IL22RA1: variants seen among roughly 807,000 people sequenced by gnomAD.
The protein encoded by IL22RA1 is interleukin 22 receptor subunit alpha 1.
Under a neutral mutation model 32.8 loss-of-function variants are expected in IL22RA1, and 25 were observed. The observed-to-expected ratio is 0.76, with a 90% CI of 0.55 to 1.06. The LOEUF is 1.06. Among genes scored for constraint, IL22RA1 ranks in the 50% least tolerant of loss-of-function variants. IL22RA1 has a pLI of 0.00. For synonymous variants in IL22RA1, 305 were observed against 305.0 expected (o/e 1.00, Z 0.00); for missense variants, 709 against 727.4 (o/e 0.97, Z 0.29).
At position 24,138,572 on chromosome 1, in the gene IL22RA1, A is replaced by T. The variant is rs767526903; in HGVS notation, c.176+10T>A. On this transcript the variant is annotated intron_variant, in intron 2 of 6. Coordinates refer to ENST00000270800, the MANE Select transcript of IL22RA1 (RefSeq NM_021258.4). ...CAGTCAAAGGAGGTGGGGTCAAGAG[A>T]GAAGCCTACGTCTTATACTCGATGC... The T allele has an allele frequency of 6.2e-7, 1 of 1,614,000 alleles. No homozygotes were observed. Among genetic ancestry groups the T allele is most frequent in the African/African-American group, 1.3e-5 (1 of 74,912 alleles).
intron 3 of IL22RA1, among the ~76,000 whole-genome samples, chr1:24,135,631 C>A (rs1644236411): frequency 6.6e-6 from 1 of 152,166 alleles, no homozygotes; most frequent in East Asian, 1.9e-4. Context: ...CACAGTTCCA[C>A]ATGGCTGGGG....
At chr1:24,142,087 G>T (rs1039105242) in intron 1 of IL22RA1, among the ~76,000 whole-genome samples, 2 of 152,166 alleles carry the variant, frequency 1.3e-5, no homozygotes, top group African/African-American at 4.8e-5. Flanking sequence ...GACGTGTCTT[G>T]GTGCCTCAAG....
Position 24,121,743 on chromosome 1 carries a change from C to A in IL22RA1, c.793-6G>T. 1 of 1,494,430 alleles carries A rather than the reference C, an allele frequency of 6.7e-7. No individual in the cohort carries two copies. The highest frequency in any genetic ancestry group is 1.4e-5 in the South Asian group (1 of 71,694). 92.6% of individuals were successfully genotyped at this position (1,494,430 alleles called of 1,614,324 possible). ...GTCAGGACTCGCTGGACGTTCTGTG[C>A]AGGGACGACAACAGTCACCCCCCTG... On this transcript the variant is annotated splice_polypyrimidine_tract_variant and splice_region_variant and intron_variant, in intron 6 of 6. Coordinates refer to ENST00000270800, the MANE Select transcript of IL22RA1 (RefSeq NM_021258.4).
At chr1:24,135,856 G>C (rs952289586) in intron 3 of IL22RA1, among the ~76,000 whole-genome samples, 3 of 152,224 alleles carry the variant, frequency 2.0e-5, no homozygotes, top group Non-Finnish European at 4.4e-5. Context: ...CTTCCCACAA[G>C]ACAGGATTAT....
intron 5 of IL22RA1, among the ~76,000 whole-genome samples, chr1:24,123,870 G>A (rs190012215): frequency 2.0e-4 from 31 of 152,230 alleles, no homozygotes; most frequent in African/African-American, 6.7e-4. Context: ...CCTCATGGTC[G>A]AGCTCATCCA....
At chr1:24,142,985 G>A (rs1458430903) in intron 1 of IL22RA1, 55 bp downstream of exon 1, 16 of 1,539,344 alleles carry the variant, frequency 1.0e-5, no homozygotes, top group Non-Finnish European at 1.4e-5. Flanking sequence ...AGATGACCCT[G>A]ATCGTTGGCC....
intron 1 of IL22RA1, among the ~76,000 whole-genome samples, chr1:24,139,431 A>G (rs1644265349): frequency 1.3e-5 from 2 of 152,182 alleles, no homozygotes; most frequent in African/African-American, 4.8e-5. Flanking sequence ...ATATGTTTTC[A>G]GTTGTCTTGG....
chr1:24,138,797 C>T (rs1197431654), intron 1 of IL22RA1, 83 bp from the exon 2 acceptor site: 3 of 1,496,956 alleles, frequency 2.0e-6, no homozygotes, highest in Non-Finnish European at 2.7e-6. Flanking sequence ...AGTCCTGCCC[C>T]ATATAAATTT....
chr1:24,129,758 A>G (rs1329626369), intron 4 of IL22RA1, among the ~76,000 whole-genome samples: 1 of 152,132 alleles, frequency 6.6e-6, no homozygotes, highest in Admixed American at 6.5e-5. Context: ...GTGTGTGTTT[A>G]TGGGGATGGT....
At chr1:24,132,379 T>A (rs560062352) in intron 4 of IL22RA1, among the ~76,000 whole-genome samples, 1 of 149,842 alleles carries the variant, frequency 6.7e-6, no homozygotes, top group South Asian at 2.1e-4. Flanking sequence ...TCGCCCAGGC[T>A]GGAGTGCAGT....
chr1:24,132,333 GTT>G (rs756832081), intron 4 of IL22RA1, among the ~76,000 whole-genome samples: 6 of 135,232 alleles, frequency 4.4e-5, no homozygotes, highest in Admixed American at 7.4e-5. Context: ...TTGTGTGTGT[GTT>G]TTTTTTTTTT....
chr1:24,127,626 C>T, intron 5 of IL22RA1, among the ~76,000 whole-genome samples: 1 of 152,138 alleles, frequency 6.6e-6, no homozygotes, highest in Non-Finnish European at 1.5e-5. Context: ...GGCAAGTTAC[C>T]TAACCACTCT....
At chr1:24,134,095 T>C in intron 4 of IL22RA1, 116 bp downstream of exon 4, 1 of 808,600 alleles carries the variant, frequency 1.2e-6, no homozygotes, top group Non-Finnish European at 1.9e-6. Context: ...GGGACATGTT[T>C]TGGGAAATGC....
intron 4 of IL22RA1, among the ~76,000 whole-genome samples, chr1:24,131,340 T>C (rs1161348179): frequency 2.0e-5 from 3 of 152,146 alleles, no homozygotes; most frequent in Non-Finnish European, 4.4e-5. Flanking sequence ...TGTGAATTAA[T>C]GTCAAAAAAA....
At chr1:24,138,857 G>A (rs573511866) in intron 1 of IL22RA1, 143 bp from the exon 2 acceptor site, 67 of 968,520 alleles carry the variant, frequency 6.9e-5, no homozygotes, top group Non-Finnish European at 9.5e-5. Context: ...GGTGGGCAGG[G>A]AGACCCTGGC....
rs985614025 is a variant in IL22RA1, at chr1:24,128,212, G to A, written c.599C>T (p.Thr200Ile). The A allele has an allele frequency of 5.6e-6, 9 of 1,607,456 alleles. No homozygotes were observed. In the African/African-American group the frequency reaches 8.1e-5, roughly 14 times the overall value. ...GLTPDTEFLG[T>I]IMICVPTWAK... ...CCAGGTGGGAACGCAAATCATGATG[G>A]TGCCAAGGAACTCTGTGTCAGGGGT... is the stretch of plus-strand genomic sequence containing the variant. The change falls in exon 5 of 7, where the codon ACC becomes ATC. Residue 200 changes from threonine (T) to isoleucine (I), a missense_variant. Thr to Ile is a moderately conservative substitution (Grantham distance 89). Coordinates refer to ENST00000270800, the MANE Select transcript of IL22RA1 (RefSeq NM_021258.4).
chr1:24,134,231 C>A lies in IL22RA1; in HGVS notation c.511G>T (p.Val171Phe), dbSNP rs147757191. 7.0e-4 allele frequency: 1,126 copies of A among 1,611,338 alleles called. 8 individuals carry two copies. In the African/African-American group the frequency reaches 0.014, roughly 19 times the overall value. The change falls in exon 4 of 7, where the codon GTC becomes TTC. Residue 171 changes from valine (V) to phenylalanine (F), a missense_variant. Transcript: ENST00000270800. ...HDLFYHLELQ[V>F]NRTYQMHLGG... ...CTCACCATTTGGTAGGTGCGGTTGA[C>A]CTGGAGCTCTAAGTGGTAGAACAGG...
intron 5 of IL22RA1, among the ~76,000 whole-genome samples, chr1:24,126,083 G>C (rs774866106): frequency 1.3e-5 from 2 of 152,178 alleles, no homozygotes; most frequent in African/African-American, 4.8e-5. Flanking sequence ...CATGGGCCAG[G>C]AGCAGCTGAG....
chr1:24,131,863 G>C (rs1569573238), intron 4 of IL22RA1, among the ~76,000 whole-genome samples: 1 of 152,194 alleles, frequency 6.6e-6, no homozygotes, highest in East Asian at 1.9e-4. Flanking sequence ...CCATAGGCTG[G>C]GCTATAACAC....
Sources: allele counts gnomAD v4.1 joint callset (sites outside exome capture counted in the v4.1 genomes callset), GRCh38; gene constraint gnomAD v4.1.1; transcripts MANE v1.5; gene names NCBI Gene and HGNC (gene_info 2026-07-23, HGNC 2026-07-21).